The following LARGE1 variants were observed in gnomAD, a reference collection of about 807,000 sequenced individuals.
LARGE1 encodes the protein LARGE xylosyl- and glucuronyltransferase 1.
A neutral mutation model predicts 87.6 loss-of-function variants in LARGE1; 43 were observed. That is an observed-to-expected ratio of 0.49 (90% CI 0.38 to 0.63). The LOEUF (loss-of-function observed/expected upper bound fraction) is 0.63, where lower values mean the gene tolerates loss of function less well. Among genes scored for constraint, LARGE1 ranks in the 30% least tolerant of loss-of-function variants. The pLI, the probability that LARGE1 is intolerant of heterozygous loss-of-function variation, is 0.00. For synonymous variants in LARGE1, 434 were observed against 394.6 expected (o/e 1.10, Z -1.18); for missense variants, 802 against 1,000.2 (o/e 0.80, Z 2.67).
intron 1 of LARGE1, among the ~76,000 whole-genome samples, chr22:33,905,858 A>C (rs1304327381): frequency 6.6e-6 from 1 of 152,194 alleles, no homozygotes; most frequent in East Asian, 1.9e-4. Context: ...GGCCTGGTGC[A>C]GTGGCTCATA....
intron 8 of LARGE1, 107 bp from the exon 9 acceptor site, chr22:33,382,151 C>T (rs1409711017): frequency 1.4e-6 from 2 of 1,452,032 alleles, no homozygotes; most frequent in Admixed American, 1.8e-5. Context: ...TCTTGAACCT[C>T]CTGCTCTGAA....
the LARGE1 span, among the ~76,000 whole-genome samples, chr22:33,079,212 G>C: frequency 7.1e-6 from 1 of 141,560 alleles, no homozygotes; most frequent in South Asian, 2.4e-4. Context: ...ATGATATCTA[G>C]TTATCATTCT....
At chr22:33,407,730 T>C (rs2147391319) in intron 7 of LARGE1, among the ~76,000 whole-genome samples, 1 of 152,286 alleles carries the variant, frequency 6.6e-6, no homozygotes, top group East Asian at 1.9e-4. Context: ...TCTGCTATGC[T>C]GTGGACCTCG....
intron 1 of LARGE1, among the ~76,000 whole-genome samples, chr22:33,785,271 A>ATGTGTATATATACGTATATATG (rs1224668330): frequency 1.3e-5 from 2 of 151,850 alleles, no homozygotes; most frequent in East Asian, 3.9e-4. Context: ...ATATGTGCAT[A>ATGTGTATATATACGTATATATG]TGTGTATATA....
chr22:33,543,108 C>T (rs1282827103), intron 6 of LARGE1, among the ~76,000 whole-genome samples: 1 of 152,154 alleles, frequency 6.6e-6, no homozygotes, highest in African/African-American at 2.4e-5. Flanking sequence ...TTCGACACAT[C>T]CCTTTCCACT....
intron 6 of LARGE1, among the ~76,000 whole-genome samples, chr22:33,557,032 A>G (rs2077711526): frequency 6.6e-6 from 1 of 152,132 alleles, no homozygotes; most frequent in Non-Finnish European, 1.5e-5. Flanking sequence ...TGAGACATAC[A>G]AAGAAAAGAA....
At chr22:33,233,534 G>T (rs193233652) in intron 11 of LARGE1, among the ~76,000 whole-genome samples, 2 of 152,172 alleles carry the variant, frequency 1.3e-5, no homozygotes, top group African/African-American at 4.8e-5. Flanking sequence ...CTAGGCTGTG[G>T]GGGGCCTCAG....
chr22:33,871,607 T>A (rs77759966), intron 1 of LARGE1, among the ~76,000 whole-genome samples: 1 of 152,278 alleles, frequency 6.6e-6, no homozygotes, highest in African/African-American at 2.4e-5. Flanking sequence ...ATTTCAAGCT[T>A]CTTATTTTAA....
chr22:33,495,402 T>C (rs900632718), intron 6 of LARGE1, among the ~76,000 whole-genome samples: 14 of 152,196 alleles, frequency 9.2e-5, no homozygotes, highest in African/African-American at 3.1e-4. Context: ...TTCCATCCCC[T>C]GTAGCACTTG....
At chr22:33,351,440 C>G (rs1245819514) in intron 9 of LARGE1, among the ~76,000 whole-genome samples, 2 of 152,134 alleles carry the variant, frequency 1.3e-5, no homozygotes, top group Admixed American at 6.5e-5. Context: ...TAGTGCATTT[C>G]ATAATATTAT....
At chr22:33,649,176 C>T (rs2080714961) in intron 3 of LARGE1, among the ~76,000 whole-genome samples, 4 of 152,202 alleles carry the variant, frequency 2.6e-5, no homozygotes, top group South Asian at 2.1e-4. Flanking sequence ...CTGAGAAATG[C>T]TCCTATCCTC....
chr22:33,588,306 C>G (rs1020061214), intron 5 of LARGE1, among the ~76,000 whole-genome samples: 4 of 152,194 alleles, frequency 2.6e-5, no homozygotes, highest in Non-Finnish European at 5.9e-5. Flanking sequence ...AATGAAGTAA[C>G]AGGTGGAAAG....
At chr22:33,760,462 G>A (rs1417764847) in intron 2 of LARGE1, among the ~76,000 whole-genome samples, 1 of 152,080 alleles carries the variant, frequency 6.6e-6, no homozygotes, top group Non-Finnish European at 1.5e-5. Flanking sequence ...AGGTCTGACA[G>A]CTCCAACAAA....
intron 12 of LARGE1, among the ~76,000 whole-genome samples, chr22:33,286,689 AG>A (rs58019595): frequency 0.065 from 9,895 of 152,246 alleles, 1,061 homozygotes; most frequent in African/African-American, 0.23. Context: ...GAAGGCTGCG[AG>A]GGCAGAACTA....
intron 4 of LARGE1, among the ~76,000 whole-genome samples, chr22:33,616,116 A>G (rs544414625): frequency 6.6e-6 from 1 of 152,246 alleles, no homozygotes; most frequent in Non-Finnish European, 1.5e-5. Context: ...TTCTCAAAAA[A>G]TTAAGCATAA....
At position 33,281,984 on chromosome 22, in the gene LARGE1, G is replaced by A. The variant is rs118093815; in HGVS notation, c.1877+1218C>T. Among the ~76,000 whole-genome samples the A allele has an allele frequency of 2.4e-3, 364 of 152,326 alleles. 13 individuals carry two copies. The East Asian group carries it at 0.052, about 22-fold the overall frequency. ...AGTAAAATTCCGATGGTCTAGAAAC[G>A]TATGCTTTTTAGCTTCCAGGAAGTG... On this transcript the variant is annotated intron_variant, in intron 13 of 14. Coordinates refer to ENST00000397394, the MANE Select transcript of LARGE1 (RefSeq NM_133642.5).
At chr22:33,797,725 C>G (rs2086031046) in intron 1 of LARGE1, among the ~76,000 whole-genome samples, 1 of 152,212 alleles carries the variant, frequency 6.6e-6, no homozygotes, top group Non-Finnish European at 1.5e-5. Flanking sequence ...TTCTCACAAC[C>G]AAAGGCACAA....
chr22:33,609,629 C>G (rs1311728218), intron 4 of LARGE1, among the ~76,000 whole-genome samples: 2 of 152,020 alleles, frequency 1.3e-5, no homozygotes, highest in Non-Finnish European at 2.9e-5. Context: ...TCAACAAAAT[C>G]TGGAATGGGA....
chr22:33,338,986 A>G (rs1248203990), intron 9 of LARGE1, among the ~76,000 whole-genome samples: 1 of 152,052 alleles, frequency 6.6e-6, no homozygotes, highest in Non-Finnish European at 1.5e-5. Flanking sequence ...TGTCTCCACC[A>G]AAAATATAAA....
Sources: gnomAD v4.1 joint callset for allele counts (sites outside exome capture counted in the v4.1 genomes callset) on GRCh38, gnomAD v4.1.1 for gene constraint, MANE v1.5 for transcripts, NCBI Gene and HGNC (gene_info 2026-07-23, HGNC 2026-07-21) for gene names.